Variants in UBE2G1 observed in about 807,000 individuals in gnomAD.
The protein encoded by UBE2G1 is ubiquitin-conjugating enzyme E2 G1.
Under a neutral mutation model 22.7 loss-of-function variants are expected in UBE2G1, and 5 were observed. The observed-to-expected ratio is 0.22, with a 90% confidence interval of 0.12 to 0.46. The LOEUF (loss-of-function observed/expected upper bound fraction) is 0.46. UBE2G1 is among the 20% of genes least tolerant of loss of function. The probability of loss-of-function intolerance (pLI) is 0.99; values close to 1 mark genes in which losing one functional copy is unlikely to be tolerated. For synonymous variants in UBE2G1, 74 were observed against 67.5 expected (o/e 1.10, Z -0.47); for missense variants, 88 against 203.9 (o/e 0.43, Z 3.46).
intron 2 of UBE2G1, chr17:4,301,676 G>C: frequency 2.7e-6 from 2 of 737,616 alleles, no homozygotes; most frequent in Non-Finnish European, 5.0e-6. Context: ...TTTTGTTCTG[G>C]GTGGAATATT....
intron 1 of UBE2G1, among the ~76,000 whole-genome samples, chr17:4,307,796 T>G (rs1381326373): frequency 1.3e-5 from 2 of 152,096 alleles, no homozygotes; most frequent in Non-Finnish European, 2.9e-5. Context: ...CGTGAGGTTC[T>G]CCTCCTCTAA....
intron 1 of UBE2G1, among the ~76,000 whole-genome samples, chr17:4,365,775 CG>C (rs1163238507): frequency 6.6e-6 from 1 of 152,176 alleles, no homozygotes; most frequent in African/African-American, 2.4e-5. Flanking sequence ...CAGCGCCGCC[CG>C]GGGAGAAGTT....
chr17:4,302,231 T>G, intron 2 of UBE2G1: 1 of 481,972 alleles, frequency 2.1e-6, no homozygotes, highest in Non-Finnish European at 4.2e-6. Context: ...GTGTTGTATA[T>G]GTCGTTATCA....
At chr17:4,332,634 A>T (rs377553127) in intron 1 of UBE2G1, among the ~76,000 whole-genome samples, 2 of 151,704 alleles carry the variant, frequency 1.3e-5, no homozygotes, top group South Asian at 4.2e-4. Flanking sequence ...TTTAACCAGC[A>T]TCTCTCTCCA....
intron 2 of UBE2G1, chr17:4,302,242 G>C (rs1598186505): frequency 4.2e-6 from 2 of 473,258 alleles, no homozygotes; most frequent in Admixed American, 4.7e-5. Flanking sequence ...GTCGTTATCA[G>C]CTCCCACACC....
intron 1 of UBE2G1, among the ~76,000 whole-genome samples, chr17:4,352,985 G>A (rs1204355264): frequency 6.6e-6 from 1 of 152,158 alleles, no homozygotes; most frequent in African/African-American, 2.4e-5. Context: ...TTAGGAGGGT[G>A]AGACGGACGG....
At chr17:4,308,986 T>G (rs2143735726) in intron 1 of UBE2G1, among the ~76,000 whole-genome samples, 2 of 152,260 alleles carry the variant, frequency 1.3e-5, no homozygotes, top group East Asian at 3.9e-4. Context: ...AGGCAGGGCG[T>G]GGTGGCTCAC....
intron 3 of UBE2G1, among the ~76,000 whole-genome samples, chr17:4,291,272 A>AT (rs1200281889): frequency 6.7e-6 from 1 of 148,404 alleles, no homozygotes; most frequent in Non-Finnish European, 1.5e-5. Context: ...GGGCAGGAGA[A>AT]TTGCTTGAAG....
chr17:4,288,255 T>A (rs78752530), intron 4 of UBE2G1, among the ~76,000 whole-genome samples: 83 of 152,298 alleles, frequency 5.4e-4, no homozygotes, highest in Middle Eastern at 3.4e-3. Flanking sequence ...TTAAATTGTC[T>A]TAGGTATGAC....
intron 1 of UBE2G1, among the ~76,000 whole-genome samples, chr17:4,352,867 G>C (rs961157260): frequency 1.3e-5 from 2 of 152,126 alleles, no homozygotes; most frequent in Non-Finnish European, 2.9e-5. Flanking sequence ...CTGAGCTCAG[G>C]AGTTCAAGAT....
intron 1 of UBE2G1, among the ~76,000 whole-genome samples, chr17:4,339,832 A>G (rs897387506): frequency 2.0e-5 from 3 of 152,092 alleles, no homozygotes; most frequent in Non-Finnish European, 2.9e-5. Flanking sequence ...CTGGGCAACA[A>G]GAGCAAAACT....
At chr17:4,312,782 TGA>T (rs1969326815) in intron 1 of UBE2G1, among the ~76,000 whole-genome samples, 1 of 148,942 alleles carries the variant, frequency 6.7e-6, no homozygotes, top group African/African-American at 2.5e-5. Context: ...TATCCAATGA[TGA>T]TAAACACATA....
chr17:4,320,648 A>T (rs1345367631), intron 1 of UBE2G1, among the ~76,000 whole-genome samples: 1 of 152,202 alleles, frequency 6.6e-6, no homozygotes, highest in Admixed American at 6.5e-5. Flanking sequence ...AAAAAAGGCC[A>T]TGTATCCTAA....
intron 1 of UBE2G1, among the ~76,000 whole-genome samples, chr17:4,339,918 TTTTTC>T (rs1429992141): frequency 6.6e-6 from 1 of 152,152 alleles, no homozygotes; most frequent in Non-Finnish European, 1.5e-5. Flanking sequence ...TCTCTTTTCC[TTTTTC>T]TTTTCTTTTC....
At chr17:4,282,638 G>A (rs572225816) in intron 5 of UBE2G1, among the ~76,000 whole-genome samples, 160 bp downstream of exon 5, 4 of 152,210 alleles carry the variant, frequency 2.6e-5, no homozygotes, top group South Asian at 2.1e-4. Flanking sequence ...AGAAAAGCAA[G>A]CAGATTATAC....
intron 1 of UBE2G1, among the ~76,000 whole-genome samples, chr17:4,308,502 G>A (rs1438187752): frequency 6.6e-6 from 1 of 152,136 alleles, no homozygotes; most frequent in African/African-American, 2.4e-5. Flanking sequence ...TCCAGCCTGG[G>A]TAACAGAGCA....
chr17:4,312,305 G>A (rs2143742378), intron 1 of UBE2G1, among the ~76,000 whole-genome samples: 1 of 152,156 alleles, frequency 6.6e-6, no homozygotes, highest in East Asian at 1.9e-4. Context: ...GCTGATCACT[G>A]AGGTTGTAAG....
Position 4,286,265 on chromosome 17 carries a change from C to A in UBE2G1, c.426+2965G>T, listed in dbSNP as rs770790363. ...ACTAAAACTACAAAAATTAGCCAGGCGTGGTGGCAGATGCCTGTAATCCCA... is the reference window on the plus strand; with the variant it reads ...ACTAAAACTACAAAAATTAGCCAGGAGTGGTGGCAGATGCCTGTAATCCCA... On this transcript the variant is annotated intron_variant, in intron 4 of 5. Transcript: ENST00000396981. Among the ~76,000 whole-genome samples the A allele has an allele frequency of 2.6e-5, 4 of 151,750 alleles. No individual in the cohort carries two copies. In the South Asian group the frequency reaches 8.3e-4, roughly 32 times the overall value.
chr17:4,324,205 T>C (rs1289332248), intron 1 of UBE2G1, among the ~76,000 whole-genome samples: 1 of 152,208 alleles, frequency 6.6e-6, no homozygotes, highest in Admixed American at 6.5e-5. Context: ...TCCCCCAAAA[T>C]GTTTACACTG....
Sources: allele counts gnomAD v4.1 joint callset (sites outside exome capture counted in the v4.1 genomes callset), GRCh38; gene constraint gnomAD v4.1.1; transcripts MANE v1.5; gene names NCBI Gene and HGNC (gene_info 2026-07-23, HGNC 2026-07-21).